The following TRPS1 variants were observed in gnomAD, a reference collection of about 807,000 sequenced individuals.
TRPS1 encodes the protein transcriptional repressor GATA binding 1.
In TRPS1, 6 loss-of-function variants were observed where a neutral mutation model predicts 101.2. That is an observed-to-expected ratio of 0.06 (90% CI 0.03 to 0.12). The LOEUF (loss-of-function observed/expected upper bound fraction) is 0.12. TRPS1 is among the 10% of genes least tolerant of loss of function. The pLI is 1.00. For missense variants in TRPS1, 1,363 were observed against 1,567.0 expected (o/e 0.87, Z 2.20); for synonymous variants, 578 against 589.8 (o/e 0.98, Z 0.29).
At chr8:115,548,237 A>T (rs1391891586) in intron 5 of TRPS1, among the ~76,000 whole-genome samples, 1 of 152,128 alleles carries the variant, frequency 6.6e-6, no homozygotes, top group Non-Finnish European at 1.5e-5. Flanking sequence ...CAAAAAATAC[A>T]TATATATAAA....
At chr8:115,584,323 C>A (rs1817518013) in intron 5 of TRPS1, among the ~76,000 whole-genome samples, 1 of 151,742 alleles carries the variant, frequency 6.6e-6, no homozygotes, top group African/African-American at 2.4e-5. Flanking sequence ...ATTGAAAAAA[C>A]TATTTAATTA....
chr8:115,483,746 C>T (rs778328424), intron 5 of TRPS1, among the ~76,000 whole-genome samples: 10 of 152,102 alleles, frequency 6.6e-5, no homozygotes, highest in Non-Finnish European at 7.4e-5. Context: ...GGTGCTATCT[C>T]CATCTATTCT....
At chr8:115,539,161 A>G (rs1011277757) in intron 5 of TRPS1, among the ~76,000 whole-genome samples, 1 of 152,200 alleles carries the variant, frequency 6.6e-6, no homozygotes, top group Non-Finnish European at 1.5e-5. Flanking sequence ...AATATAAGGA[A>G]TAAGAAGCAA....
Position 115,412,217 on chromosome 8 carries a change from C to T in TRPS1, c.*1806G>A, listed in dbSNP as rs1187201622. The T allele has an allele frequency of 1.3e-5, 2 of 152,148 alleles. No individual in the cohort carries two copies. The highest frequency in any genetic ancestry group is 2.1e-4 in the South Asian group (1 of 4,810). The allele number at this position is 152,148 out of a possible 1,614,324, so 9.4% of individuals were successfully genotyped here. On this transcript the variant is annotated 3_prime_UTR_variant, in exon 7 of 7. Coordinates refer to ENST00000395715, the MANE Select transcript of TRPS1 (RefSeq NM_014112.5). The stretch of plus-strand genomic sequence containing the variant: ...GTACTTGGAATGAATAAGTGCTACC[C>T]TTTTTTTCCTAAGTAGGCATAAAAA...
At chr8:115,564,843 C>A (rs1586408122) in intron 5 of TRPS1, among the ~76,000 whole-genome samples, 1 of 151,970 alleles carries the variant, frequency 6.6e-6, no homozygotes, top group Admixed American at 6.6e-5. Context: ...TTCTGGCCAC[C>A]ATCCACACTC....
At position 115,604,467 on chromosome 8, in the gene TRPS1, T is replaced by C. The variant is rs1219629066; in HGVS notation, c.1502A>G (p.Lys501Arg). ...GSVINQNDLAKSSEGETMTKT... is the reference protein window; with the variant it reads ...GSVINQNDLARSSEGETMTKT... ...GGTCATTGTCTCTCCTTCTGAACTTTTGGCTAGATCATTCTGATTAATGAC... is the reference window on the plus strand; with the variant it reads ...GGTCATTGTCTCTCCTTCTGAACTTCTGGCTAGATCATTCTGATTAATGAC... Residue 501 changes from lysine (K) to arginine (R), a missense_variant, in exon 4 of 7, where the codon AAA becomes AGA. By Grantham distance (26) the Lys-to-Arg change is conservative. This residue lies in a region of TRPS1 where 1,020 missense variants were observed against 1,073.0 expected (regional missense o/e 0.95). Transcript: ENST00000395715. The surrounding 1 kb of genome is among the most constrained non-coding windows in gnomAD (Gnocchi z 4.1). The C allele has an allele frequency of 1.9e-6, 3 of 1,614,128 alleles. No individual in the cohort carries two copies. The highest frequency in any genetic ancestry group is 1.6e-4 in the Middle Eastern group (1 of 6,062).
intron 5 of TRPS1, among the ~76,000 whole-genome samples, chr8:115,534,350 A>C (rs1816227970): frequency 1.3e-5 from 2 of 149,850 alleles, no homozygotes; most frequent in South Asian, 4.3e-4. Flanking sequence ...TGAAGCTCTA[A>C]CCCCGATACC....
chr8:115,591,943 T>C (rs1309900444), intron 4 of TRPS1, among the ~76,000 whole-genome samples: 1 of 152,176 alleles, frequency 6.6e-6, no homozygotes, highest in East Asian at 1.9e-4. Flanking sequence ...CCATTTTATC[T>C]ATATCAAGTC....
At chr8:115,642,704 CTG>C (rs1818929236) in intron 1 of TRPS1, among the ~76,000 whole-genome samples, 1 of 151,728 alleles carries the variant, frequency 6.6e-6, no homozygotes, top group South Asian at 2.1e-4. Flanking sequence ...ATATGAATGA[CTG>C]TGTCAGTGTT....
chr8:115,535,523 G>C (rs971443184), intron 5 of TRPS1, among the ~76,000 whole-genome samples: 1 of 147,470 alleles, frequency 6.8e-6, no homozygotes, highest in South Asian at 2.1e-4. Context: ...TATATATAGC[G>C]CATATATAGC....
intron 5 of TRPS1, among the ~76,000 whole-genome samples, chr8:115,575,302 T>C (rs1817292885): frequency 6.6e-6 from 1 of 152,110 alleles, no homozygotes; most frequent in Non-Finnish European, 1.5e-5. Flanking sequence ...TAGCAGAATA[T>C]ACGCTGCTAT....
At chr8:115,603,459 A>T (rs559244165) in intron 4 of TRPS1, among the ~76,000 whole-genome samples, 1 of 152,310 alleles carries the variant, frequency 6.6e-6, no homozygotes, top group East Asian at 1.9e-4. Flanking sequence ...ATTTTTTTGC[A>T]GAATAGAGAA....
At chr8:115,495,360 G>A (rs987236166) in intron 5 of TRPS1, among the ~76,000 whole-genome samples, 12 of 151,782 alleles carry the variant, frequency 7.9e-5, no homozygotes, top group African/African-American at 2.9e-4. Context: ...TTGCTCCCAA[G>A]GAAACATGCT....
chr8:115,553,162 A>G (rs7839951), intron 5 of TRPS1, among the ~76,000 whole-genome samples: 6 of 152,066 alleles, frequency 3.9e-5, no homozygotes, highest in African/African-American at 9.7e-5. Context: ...ATTTTTATAC[A>G]TAACATTATA....
At chr8:115,646,077 C>T (rs1027597791) in intron 1 of TRPS1, among the ~76,000 whole-genome samples, 4 of 152,066 alleles carry the variant, frequency 2.6e-5, no homozygotes, top group African/African-American at 9.7e-5. Context: ...AGTCTAAGCA[C>T]TCCCATAGTT....
At chr8:115,601,746 A>G (rs543033588) in intron 4 of TRPS1, among the ~76,000 whole-genome samples, 1 of 152,328 alleles carries the variant, frequency 6.6e-6, no homozygotes, top group East Asian at 1.9e-4. Context: ...AGACCATATA[A>G]TAGTGAAGCA....
chr8:115,497,659 T>G (rs1261035822), intron 5 of TRPS1, among the ~76,000 whole-genome samples: 1 of 152,190 alleles, frequency 6.6e-6, no homozygotes. Context: ...GGAACATCCT[T>G]GTGATCTGAG....
chr8:115,506,479 G>T (rs921573302), intron 5 of TRPS1, among the ~76,000 whole-genome samples: 1 of 151,866 alleles, frequency 6.6e-6, no homozygotes, highest in Non-Finnish European at 1.5e-5. Flanking sequence ...ATTATAGAAA[G>T]GCTTAGTTAT....
intron 5 of TRPS1, among the ~76,000 whole-genome samples, chr8:115,441,898 A>AGT (rs796637255): frequency 0.083 from 9,627 of 115,982 alleles, 441 homozygotes; most frequent in Non-Finnish European, 0.1. Context: ...AGAGAGAGAG[A>AGT]GTGTGTGTGT....
Sources: gnomAD v4.1 joint callset for allele counts (sites outside exome capture counted in the v4.1 genomes callset) on GRCh38, gnomAD v4.1.1 for gene constraint, gnomAD v4.1.1 regional missense constraint, Gnocchi (gnomAD v3.1) non-coding constraint, MANE v1.5 for transcripts, NCBI Gene and HGNC (gene_info 2026-07-23, HGNC 2026-07-21) for gene names.